ACOT9: variants seen among roughly 807,000 people sequenced by gnomAD.
The protein encoded by ACOT9 is acyl-CoA thioesterase 9, also known as acyl-coenzyme A thioesterase 9, mitochondrial.
Under a neutral mutation model 39.7 loss-of-function variants are expected in ACOT9, and 34 were observed. The observed-to-expected ratio is 0.86, with a 90% CI of 0.65 to 1.14. The LOEUF is 1.14. Ranked by LOEUF, ACOT9 falls within the 50% of genes most tolerant of loss-of-function variation. The pLI is 0.00. For missense variants in ACOT9, 313 were observed against 344.1 expected (o/e 0.91, Z 0.71); for synonymous variants, 110 against 120.5 (o/e 0.91, Z 0.57).
At chrX:23,729,337 T>C (rs554683961) in intron 6 of ACOT9, among the ~76,000 whole-genome samples, 1 of 111,590 alleles carries the variant, frequency 9.0e-6, no homozygotes, top group Non-Finnish European at 1.9e-5. Flanking sequence ...AAAAGAACCA[T>C]GTCAAAGTCA....
rs1928612194 is a variant in ACOT9 at position 23,704,679 on chromosome X, A to G, written c.1258+15T>C. The G allele has an allele frequency of 8.3e-7, 1 of 1,207,043 alleles. No homozygotes were observed. The highest frequency in any genetic ancestry group is 1.1e-6 in the Non-Finnish European group (1 of 892,558). On this transcript the variant is annotated intron_variant, in intron 15 of 15. Transcript: ENST00000379303. The stretch of plus-strand genomic sequence containing the variant: ...TTCTTCCCTTTGTTAGGGACAAGCA[A>G]TAATCACTACTTACCTCCATATGTT...
intron 9 of ACOT9, among the ~76,000 whole-genome samples, chrX:23,708,964 A>C (rs1928801152): frequency 8.9e-6 from 1 of 112,356 alleles, no homozygotes; most frequent in African/African-American, 3.2e-5. Context: ...TTTACGTGAA[A>C]GGCATACGTT....
Position 23,735,944 on chromosome X carries a change from T to G in ACOT9, c.93A>C (p.Lys31Asn). 2 of 1,210,931 alleles carry G rather than the reference T, an allele frequency of 1.7e-6. No individual in the cohort carries two copies. Among genetic ancestry groups the G allele is most frequent in the Non-Finnish European group, 2.2e-6 (2 of 895,148 alleles). ...CTTCATGAATGTGGAAGATTCCCTG[T>G]TTCTTGGGGTTCTGGGGTCCTTGAG... ...GLTQGPQNPKKQGIFHIHEAC... is the reference protein window; with the variant it reads ...GLTQGPQNPKNQGIFHIHEAC... The change falls in exon 2 of 16, where the codon AAA becomes AAC. Residue 31 changes from lysine to asparagine, a missense_variant. Transcript: ENST00000379303.
chrX:23,720,495 C>T (rs1177114927), intron 8 of ACOT9, among the ~76,000 whole-genome samples: 3 of 111,115 alleles, frequency 2.7e-5, no homozygotes. Flanking sequence ...CAAGAGACAC[C>T]AGAGAGACAG....
intron 11 of ACOT9, among the ~76,000 whole-genome samples, 164 bp from the exon 12 acceptor site, chrX:23,706,022 T>C (rs1007760287): frequency 3.6e-5 from 4 of 112,342 alleles, no homozygotes; most frequent in African/African-American, 9.7e-5. Context: ...CCCAACACTT[T>C]GGGAGGCCGA....
Position 23,730,567 on chromosome X carries a change from G to A in ACOT9, c.363-3C>T. 2.5e-6 allele frequency: 3 copies of A among 1,203,963 alleles called. No individual in the cohort carries two copies. Among genetic ancestry groups the A allele is most frequent in the Non-Finnish European group, 3.4e-6 (3 of 888,722 alleles). ...GATCCTCAAGAATCCTGCCAAATCT[G>A]TGAAATAAAGCAAACAGTGAATTAA... On this transcript the variant is annotated splice_polypyrimidine_tract_variant and splice_region_variant and intron_variant, in intron 5 of 15. Transcript: ENST00000379303.
At chrX:23,706,777 G>C in intron 10 of ACOT9, 38 bp from the exon 11 acceptor site, 3 of 863,771 alleles carry the variant, frequency 3.5e-6, no homozygotes, top group Non-Finnish European at 5.0e-6. Context: ...GATCAGGACG[G>C]TCGCACTACA....
At chrX:23,725,625 C>T (rs1323669380) in intron 6 of ACOT9, among the ~76,000 whole-genome samples, 2 of 109,104 alleles carry the variant, frequency 1.8e-5, no homozygotes, top group Non-Finnish European at 3.8e-5. Context: ...TGGGACCAGC[C>T]TGGGCAACAT....
intron 6 of ACOT9, among the ~76,000 whole-genome samples, chrX:23,729,258 C>A (rs1929645209): frequency 9.0e-6 from 1 of 111,577 alleles, no homozygotes; most frequent in Admixed American, 9.6e-5. Flanking sequence ...GACATTCCTG[C>A]CAGAGATGCA....
chrX:23,707,793 C>T (rs781175559), intron 10 of ACOT9, 84 bp downstream of exon 10: 5 of 680,432 alleles, frequency 7.3e-6, no homozygotes, highest in Non-Finnish European at 1.1e-5. Context: ...GTATGAAGAG[C>T]CCATATAAAA....
At position 23,713,182 on chromosome X, in the gene ACOT9, A is replaced by C. The variant is rs1256497189; in HGVS notation, c.615T>G (p.Val205=). The C allele has an allele frequency of 1.7e-6, 2 of 1,206,122 alleles. No individual in the cohort carries two copies. Among genetic ancestry groups the C allele is most frequent in the Non-Finnish European group, 2.2e-6 (2 of 891,823 alleles). Residue 205 remains valine (V), a synonymous_variant, in exon 9 of 16, where the codon GTT becomes GTG. Transcript: ENST00000379303. ...FQLHGDEFCP[V]LDATFVMVAR... ...CCACCATTACAAATGTTGCATCCAAAACAGGACAAAATTCATCACCATGTA... is the reference window on the plus strand; with the variant it reads ...CCACCATTACAAATGTTGCATCCAACACAGGACAAAATTCATCACCATGTA...
chrX:23,703,725 C>A lies in ACOT9; in HGVS notation c.*169G>T. The A allele has an allele frequency of 2.4e-6, 1 of 411,926 alleles. No individual in the cohort carries two copies. The highest frequency in any genetic ancestry group is 4.3e-6 in the Non-Finnish European group (1 of 232,233). 33.9% of individuals were successfully genotyped at this position (411,926 alleles called of 1,213,427 possible). On this transcript the variant is annotated 3_prime_UTR_variant, in exon 16 of 16. Transcript: ENST00000379303. The stretch of plus-strand genomic sequence containing the variant: ...TAATAATTCTTTCTCCCCTCAGCCC[C>A]ATCCGGCCACTCTCTCTTTCTGCTT...
At chrX:23,705,689 G>T in intron 12 of ACOT9, 79 bp downstream of exon 12, 1 of 1,114,756 alleles carries the variant, frequency 9.0e-7, no homozygotes, top group Non-Finnish European at 1.2e-6. Flanking sequence ...ACAAAGGCCA[G>T]TTTAAAGGTG....
intron 8 of ACOT9, among the ~76,000 whole-genome samples, chrX:23,716,742 A>G (rs1929093129): frequency 9.0e-6 from 1 of 111,591 alleles, no homozygotes; most frequent in African/African-American, 3.3e-5. Flanking sequence ...GTTGGAGTAC[A>G]GTGGCGCAAT....
At chrX:23,738,777 G>T (rs1930032984) in intron 1 of ACOT9, among the ~76,000 whole-genome samples, 1 of 111,799 alleles carries the variant, frequency 8.9e-6, no homozygotes. Context: ...ATAAGAAATG[G>T]GATCTGATTC....
intron 8 of ACOT9, among the ~76,000 whole-genome samples, chrX:23,717,692 C>T (rs1929131683): frequency 9.0e-6 from 1 of 111,137 alleles, no homozygotes; most frequent in African/African-American, 3.3e-5. Context: ...AGCAACAGCA[C>T]GTCTAGGTGG....
chrX:23,743,069 G>C, intron 1 of ACOT9, 56 bp downstream of exon 1: 13 of 1,115,590 alleles, frequency 1.2e-5, no homozygotes, highest in Non-Finnish European at 1.5e-5. Context: ...TCTAGGGGAA[G>C]ACGATGGCAC....
rs995395030 is a variant in ACOT9, at chrX:23,702,051, C to G, written c.*1843G>C. On this transcript the variant is annotated 3_prime_UTR_variant, in exon 16 of 16. Coordinates refer to ENST00000379303, the MANE Select transcript of ACOT9 (RefSeq NM_001037171.2). Reference sequence around the variant, plus strand: ...TCATGCCACTGCACTCCAGCTGGAGCGACAGAGTGAAACTCTGTCTCACAC... The same window carrying G: ...TCATGCCACTGCACTCCAGCTGGAGGGACAGAGTGAAACTCTGTCTCACAC... Among the ~76,000 whole-genome samples the G allele has an allele frequency of 9.6e-6, 1 of 104,474 alleles. No individual in the cohort carries two copies. Among genetic ancestry groups the G allele is most frequent in the African/African-American group, 3.5e-5 (1 of 28,685 alleles). The allele number at this position is 104,474 out of a possible 115,157, so 90.7% of individuals were successfully genotyped here. A position where few individuals can be genotyped will look rare whatever the true frequency, so the allele number is the denominator to read the frequency against.
intron 1 of ACOT9, among the ~76,000 whole-genome samples, chrX:23,741,405 A>G (rs1264100983): frequency 5.5e-5 from 6 of 110,084 alleles, no homozygotes; most frequent in African/African-American, 1.7e-4. Context: ...GGGGAGTCAC[A>G]TAACTCACCC....
Sources: allele counts gnomAD v4.1 joint callset (sites outside exome capture counted in the v4.1 genomes callset), GRCh38; gene constraint gnomAD v4.1.1; transcripts MANE v1.5; gene names NCBI Gene and HGNC (gene_info 2026-07-23, HGNC 2026-07-21).